The following C1orf141 variants were observed in gnomAD, a reference collection of about 807,000 sequenced individuals.
C1orf141 encodes chromosome 1 open reading frame 141.
A neutral mutation model predicts 23.2 loss-of-function variants in C1orf141; 19 were observed. That is an observed-to-expected ratio of 0.82 (90% CI 0.57 to 1.20). The LOEUF is 1.20. Ranked by LOEUF, C1orf141 falls within the 50% of genes most tolerant of loss-of-function variation. The pLI, the probability that C1orf141 is intolerant of heterozygous loss-of-function variation, is 0.00. For synonymous variants in C1orf141, 153 were observed against 154.6 expected, an observed-to-expected ratio of 0.99 and a Z score of 0.08; for missense variants, 469 against 455.1, an observed-to-expected ratio of 1.03 and a Z score of -0.28.
At chr1:67,135,289 A>G (rs773022031), upstream of C1orf141, among the ~76,000 whole-genome samples, 1 of 152,246 alleles carries the variant, frequency 6.6e-6, no homozygotes. Context: ...TCGAATTTCA[A>G]AAAGAAGCTT....
intron 5 of C1orf141, among the ~76,000 whole-genome samples, chr1:67,101,024 C>T (rs1006689697): frequency 1.3e-5 from 2 of 151,696 alleles, no homozygotes; most frequent in Non-Finnish European, 1.5e-5. Context: ...TTTTATCTCT[C>T]TCTTTGGGTA....
intron 4 of C1orf141, among the ~76,000 whole-genome samples, chr1:67,120,809 TA>T (rs35028503): frequency 0.67 from 102,296 of 151,866 alleles, 34,991 homozygotes; most frequent in East Asian, 0.79. Context: ...CTGACTAATA[TA>T]GGGGGTCAAA....
intron 4 of C1orf141, among the ~76,000 whole-genome samples, chr1:67,118,206 G>A (rs1316418926): frequency 3.3e-5 from 5 of 152,140 alleles, no homozygotes; most frequent in African/African-American, 9.7e-5. Flanking sequence ...GTAAAAAGGA[G>A]CAATACATAC....
At chr1:67,100,719 T>G (rs1645778232) in intron 5 of C1orf141, among the ~76,000 whole-genome samples, 1 of 151,784 alleles carries the variant, frequency 6.6e-6, no homozygotes, top group Non-Finnish European at 1.5e-5. Flanking sequence ...CTGGGCTTAT[T>G]ATTTGTCCAA....
intron 4 of C1orf141, chr1:67,121,906 C>T (rs549631618): frequency 6.6e-6 from 1 of 152,214 alleles, no homozygotes; most frequent in South Asian, 2.1e-4. Flanking sequence ...TTTCAGCTCC[C>T]TGTGTCATTA....
chr1:67,121,461 A>G (rs973372108), intron 4 of C1orf141: 2 of 152,182 alleles, frequency 1.3e-5, no homozygotes, highest in Non-Finnish European at 2.9e-5. Flanking sequence ...GTCAATTTCT[A>G]CCAATGTGAT....
intron 5 of C1orf141, among the ~76,000 whole-genome samples, chr1:67,114,507 A>C (rs1274771085): frequency 6.6e-6 from 1 of 152,212 alleles, no homozygotes; most frequent in Non-Finnish European, 1.5e-5. Context: ...AGAGAAATTA[A>C]GCAATAGGGG....
At chr1:67,107,439 A>G (rs1477174583) in intron 5 of C1orf141, among the ~76,000 whole-genome samples, 1 of 152,226 alleles carries the variant, frequency 6.6e-6, no homozygotes, top group East Asian at 1.9e-4. Context: ...ATGAAAAGAA[A>G]TTGTCAGAAT....
chr1:67,109,576 C>T (rs971655552), intron 5 of C1orf141, among the ~76,000 whole-genome samples: 10 of 152,202 alleles, frequency 6.6e-5, no homozygotes, highest in African/African-American at 2.4e-4. Flanking sequence ...TTACATGCTT[C>T]TTTTTTGGAG....
chr1:67,111,590 T>G, intron 5 of C1orf141: 1 of 1,346,830 alleles, frequency 7.4e-7, no homozygotes, highest in Non-Finnish European at 9.9e-7. Context: ...AGTTGTATCC[T>G]TAAGATAAAG....
intron 2 of C1orf141, among the ~76,000 whole-genome samples, chr1:67,129,531 C>T (rs1043848859): frequency 3.9e-5 from 6 of 152,056 alleles, no homozygotes; most frequent in South Asian, 2.1e-4. Flanking sequence ...TGCCTTGTGA[C>T]GAACCACACA....
At chr1:67,096,206 A>G (rs755436339) in intron 6 of C1orf141, 46 bp downstream of exon 6, 2 of 908,774 alleles carry the variant, frequency 2.2e-6, no homozygotes, top group Non-Finnish European at 3.5e-6. Context: ...CCTACTAGAA[A>G]CATCATTAAA....
At chr1:67,132,520 T>TC (rs1316596059) in intron 1 of C1orf141, among the ~76,000 whole-genome samples, 8 of 148,942 alleles carry the variant, frequency 5.4e-5, no homozygotes, top group Admixed American at 4.6e-4. Flanking sequence ...AGTCTCCATT[T>TC]CAAAAAAAAA....
At chr1:67,136,840 C>T (rs1646590035), upstream of C1orf141, among the ~76,000 whole-genome samples, 1 of 152,098 alleles carries the variant, frequency 6.6e-6, no homozygotes, top group Non-Finnish European at 1.5e-5. Context: ...AGTATTTTCT[C>T]TTTAATAACA....
intron 5 of C1orf141, among the ~76,000 whole-genome samples, chr1:67,099,900 T>C (rs1046753651): frequency 6.6e-6 from 1 of 152,358 alleles, no homozygotes; most frequent in Admixed American, 6.5e-5. Flanking sequence ...TTTTGTATTT[T>C]AAATGAAATA....
upstream of C1orf141, among the ~76,000 whole-genome samples, chr1:67,137,002 T>TA (rs1646591424): frequency 6.6e-6 from 1 of 152,224 alleles, no homozygotes; most frequent in Non-Finnish European, 1.5e-5. Flanking sequence ...TGTTTTATTT[T>TA]AAAAGTATAC....
Position 67,095,267 on chromosome 1 carries a change from CGTT to C in C1orf141, c.568_570del (p.Asn190del). The C allele has an allele frequency of 1.3e-6, 2 of 1,595,366 alleles. No homozygotes were observed. The highest frequency in any genetic ancestry group is 2.3e-5 in the South Asian group (2 of 87,584). ...GAAGTTACTGTCTTTGTTGGACTAACGTTGACTATCTTGGCATGTGGATTTTTC... is the reference window on the plus strand; with the variant it reads ...GAAGTTACTGTCTTTGTTGGACTAACGACTATCTTGGCATGTGGATTTTTC... On this transcript the variant is annotated inframe_deletion, in exon 7 of 8. Transcript: ENST00000684719.
intron 7 of C1orf141, 78 bp downstream of exon 7, chr1:67,095,157 T>A: frequency 1.2e-6 from 1 of 806,354 alleles, no homozygotes; most frequent in Admixed American, 3.0e-5. Flanking sequence ...AAGATTCTGG[T>A]CACTAAAATA....
At chr1:67,132,770 A>C (rs957535086) in intron 1 of C1orf141, among the ~76,000 whole-genome samples, 1 of 152,368 alleles carries the variant, frequency 6.6e-6, no homozygotes, top group South Asian at 2.1e-4. Context: ...AGATGAAATA[A>C]AAAGTTGAGT....
Sources: allele counts gnomAD v4.1 joint callset (sites outside exome capture counted in the v4.1 genomes callset), GRCh38; gene constraint gnomAD v4.1.1; transcripts MANE v1.5; gene names NCBI Gene and HGNC (gene_info 2026-07-23, HGNC 2026-07-21).